The following TAP1 variants were observed in gnomAD, a reference collection of about 807,000 sequenced individuals.
TAP1 encodes antigen peptide transporter 1.
TAP1 carries 56 observed loss-of-function variants against 79.3 expected under a neutral mutation model. The observed-to-expected ratio is 0.71, with a 90% CI of 0.57 to 0.88. TAP1 has a LOEUF of 0.88. Ranked by LOEUF, TAP1 falls within the 40% of genes least tolerant of loss-of-function variation. The probability of loss-of-function intolerance (pLI) is 0.00; values close to 1 mark genes in which losing one functional copy is unlikely to be tolerated. For missense variants in TAP1, 737 were observed against 936.3 expected (o/e 0.79, Z 2.78); for synonymous variants, 355 against 401.4 (o/e 0.88, Z 1.38).
chr6:32,848,947 G>C (rs1770612610), intron 6 of TAP1, 43 bp downstream of exon 6: 1 of 1,612,776 alleles, frequency 6.2e-7, no homozygotes. Flanking sequence ...TGCTGGGCCA[G>C]AGGAAGGAAT....
chr6:32,851,225 G>A lies in TAP1; in HGVS notation c.845-76C>T. 2 of 1,445,196 alleles carry A rather than the reference G, an allele frequency of 1.4e-6. No individual in the cohort carries two copies. Among genetic ancestry groups the A allele is most frequent in the Non-Finnish European group, 1.9e-6 (2 of 1,042,830 alleles). The allele number at this position is 1,445,196 out of a possible 1,614,324, so 89.5% of individuals were successfully genotyped here. ...ATGAGACGAACTAACAATGAGCCAGGATGCCAGGGTCAGGGGTGTCAACAT... is the reference window on the plus strand; with the variant it reads ...ATGAGACGAACTAACAATGAGCCAGAATGCCAGGGTCAGGGGTGTCAACAT... On this transcript the variant is annotated intron_variant, in intron 3 of 10. Coordinates refer to ENST00000354258, the MANE Select transcript of TAP1 (RefSeq NM_000593.6). The surrounding 1 kb of genome is among the most constrained non-coding windows in gnomAD (Gnocchi z 4.8).
In TAP1 at chr6:32,850,848, C is replaced by G; in HGVS notation, c.1050+96G>C. 2 of 1,171,934 alleles carry G rather than the reference C, an allele frequency of 1.7e-6. No individual in the cohort carries two copies. Among genetic ancestry groups the G allele is most frequent in the Non-Finnish European group, 1.3e-6 (1 of 780,178 alleles). The allele number at this position is 1,171,934 out of a possible 1,614,324, so 72.6% of individuals were successfully genotyped here. ...GAAGATGGAGAATCAGTAAGGGTGC[C>G]AGGAAAGCTGGACTGAAAGCAATGT... is the stretch of plus-strand genomic sequence containing the variant. On this transcript the variant is annotated intron_variant, in intron 4 of 10. Transcript: ENST00000354258. This position sits in a 1 kb window ranked among gnomAD's most constrained non-coding sequence, Gnocchi z 5.5.
chr6:32,845,686 A>AGAGGATGTGGTCAGCCTGCTCCAC lies in TAP1; in HGVS notation c.2116_2139dup (p.Val706_Leu713dup). 6.2e-7 allele frequency: 1 copy of AGAGGATGTGGTCAGCCTGCTCCAC among 1,612,994 alleles called. No homozygotes were observed. Among genetic ancestry groups the AGAGGATGTGGTCAGCCTGCTCCAC allele is most frequent in the South Asian group, 1.1e-5 (1 of 91,072 alleles). On this transcript the variant is annotated inframe_insertion, in exon 11 of 11. Coordinates refer to ENST00000354258, the MANE Select transcript of TAP1 (RefSeq NM_000593.6). The surrounding 1 kb of genome is among the most constrained non-coding windows in gnomAD (Gnocchi z 4.5). Reference sequence around the variant, plus strand: ...TCCCGGATAGCGCCTCCTTCCAGAAAGAGGATGTGGTCAGCCTGCTCCACC... The same window carrying AGAGGATGTGGTCAGCCTGCTCCAC: ...TCCCGGATAGCGCCTCCTTCCAGAAAGAGGATGTGGTCAGCCTGCTCCACGAGGATGTGGTCAGCCTGCTCCACC...
Position 32,852,744 on chromosome 6 carries a change from C to T in TAP1, c.599-242G>A, listed in dbSNP as rs1252586367. On this transcript the variant is annotated intron_variant, in intron 1 of 10. Transcript: ENST00000354258. This position sits in a 1 kb window ranked among gnomAD's most constrained non-coding sequence, Gnocchi z 4.8. ...GGCTGGAGATCATGAAGTAGAAAAG[C>T]CTCCTGTTAGAGATGAGGATGCCCC... 3 of 1,445,578 alleles carry T rather than the reference C, an allele frequency of 2.1e-6. No homozygotes were observed. Among genetic ancestry groups the T allele is most frequent in the East Asian group, 5.0e-5 (2 of 40,252 alleles). 89.5% of individuals were successfully genotyped at this position (1,445,578 alleles called of 1,614,324 possible).
Position 32,847,509 on chromosome 6 carries a change from G to C in TAP1, c.1903+4C>G. The C allele has an allele frequency of 1.2e-6, 2 of 1,613,398 alleles. No individual in the cohort carries two copies. Among genetic ancestry groups the C allele is most frequent in the Non-Finnish European group, 1.7e-6 (2 of 1,180,028 alleles). On this transcript the variant is annotated splice_donor_region_variant and intron_variant, in intron 9 of 10. Coordinates refer to ENST00000354258, the MANE Select transcript of TAP1 (RefSeq NM_000593.6). The surrounding 1 kb of genome is among the most constrained non-coding windows in gnomAD (Gnocchi z 4.7). ...CTGGGTGGTGAGATGAGTGGAGAGA[G>C]TACCTGTGTCATAGCCCTGAGGGAG...
intron 7 of TAP1, 133 bp downstream of exon 7, chr6:32,848,519 G>A: frequency 9.7e-7 from 1 of 1,030,930 alleles, no homozygotes; most frequent in South Asian, 1.3e-5. Flanking sequence ...TGGAACAGAT[G>A]ATGCCTACCA....
At chr6:32,846,447 C>T (rs144808083) in intron 10 of TAP1, 142 of 167,854 alleles carry the variant, frequency 8.5e-4, no homozygotes, top group African/African-American at 3.2e-3. Flanking sequence ...CATAGCGGGA[C>T]GCTGTCTGTA....
At position 32,849,165 on chromosome 6, in the gene TAP1, G is replaced by T. The variant is rs372077422; in HGVS notation, c.1249-47C>A. 4 of 1,556,354 alleles carry T rather than the reference G, an allele frequency of 2.6e-6. No individual in the cohort carries two copies. In the South Asian group the frequency reaches 4.7e-5, roughly 18 times the overall value. ...AGGGACTGAGGTAGAGAAATCTGGAGGGGACACAAAGAACCGCAGTCATTA... is the reference window on the plus strand; with the variant it reads ...AGGGACTGAGGTAGAGAAATCTGGATGGGACACAAAGAACCGCAGTCATTA... On this transcript the variant is annotated intron_variant, in intron 5 of 10. Coordinates refer to ENST00000354258, the MANE Select transcript of TAP1 (RefSeq NM_000593.6).
intron 7 of TAP1, 91 bp from the exon 8 acceptor site, chr6:32,848,183 C>G: frequency 6.7e-7 from 1 of 1,492,254 alleles, no homozygotes; most frequent in Non-Finnish European, 9.1e-7. Flanking sequence ...ATGTCTTACC[C>G]CAGAAGAAAA....
chr6:32,852,116 G>C lies in TAP1; in HGVS notation c.837C>G (p.Asn279Lys). The C allele has an allele frequency of 6.2e-7, 1 of 1,613,016 alleles. No homozygotes were observed. Among genetic ancestry groups the C allele is most frequent in the Non-Finnish European group, 8.5e-7 (1 of 1,180,018 alleles). ...AAGAGTTTCAGGAGAAACCTGTCTG[G>C]TTCTGTTGGAAAAACTCCGTCTCCT... ...LRQETEFFQQ[N>K]QTGNIMSRVT... The change falls in exon 3 of 11, where the codon AAC becomes AAG. Residue 279 changes from asparagine (N) to lysine (K), a missense_variant. Coordinates refer to ENST00000354258, the MANE Select transcript of TAP1 (RefSeq NM_000593.6). The surrounding 1 kb of genome is among the most constrained non-coding windows in gnomAD (Gnocchi z 4.8).
Position 32,852,787 on chromosome 6 carries a change from C to G in TAP1, c.598+252G>C. 1 of 1,440,904 alleles carries G rather than the reference C, an allele frequency of 6.9e-7. No homozygotes were observed. The highest frequency in any genetic ancestry group is 9.0e-7 in the Non-Finnish European group (1 of 1,105,598). 89.3% of individuals were successfully genotyped at this position (1,440,904 alleles called of 1,614,324 possible). On this transcript the variant is annotated intron_variant, in intron 1 of 10. Transcript: ENST00000354258. The surrounding 1 kb of genome is among the most constrained non-coding windows in gnomAD (Gnocchi z 4.8). The stretch of plus-strand genomic sequence containing the variant: ...GATGCCCCGCCCTTCGGCCCCAGAG[C>G]AAAGGATTTCCCCGCTTCCGGCGTG...
chr6:32,853,536 AC>A lies in TAP1; in HGVS notation c.100del (p.Val34CysfsTer29). On this transcript the variant is annotated frameshift_variant, in exon 1 of 11. Transcript: ENST00000354258. LOFTEE classifies it high-confidence loss of function. This position sits in a 1 kb window ranked among gnomAD's most constrained non-coding sequence, Gnocchi z 8.3. ...GTVLLLLADW[V>X]LLRTALPRIF... Reference sequence around the variant, plus strand: ...GCGGGGCAGCGCGGTCCGGAGCAGCACCCAGTCGGCGAGAAGTAGCAGTACT... The same window carrying A: ...GCGGGGCAGCGCGGTCCGGAGCAGCACCAGTCGGCGAGAAGTAGCAGTACT... The A allele has an allele frequency of 6.2e-7, 1 of 1,610,484 alleles. No individual in the cohort carries two copies. The highest frequency in any genetic ancestry group is 8.5e-7 in the Non-Finnish European group (1 of 1,178,124).
At position 32,853,172 on chromosome 6, in the gene TAP1, G is replaced by A. The variant is rs56016563; in HGVS notation, c.465C>T (p.His155=). The part of the protein sequence containing the change: ...AAALPAAALW[H]KLGSLWVPGG... ...CGGGCACCCAGAGGCTCCCGAGTTT[G>A]TGCCACAGGGCTGCTGCGGGCAGTG... is the stretch of plus-strand genomic sequence containing the variant. Residue 155 remains histidine (H), a synonymous_variant, in exon 1 of 11, where the codon CAC becomes CAT. Coordinates refer to ENST00000354258, the MANE Select transcript of TAP1 (RefSeq NM_000593.6). This position sits in a 1 kb window ranked among gnomAD's most constrained non-coding sequence, Gnocchi z 8.3. The A allele has an allele frequency of 5.6e-4, 910 of 1,612,642 alleles. 7 individuals are homozygous for A. In the East Asian group the frequency reaches 0.017, roughly 30 times the overall value.
chr6:32,852,237 G>T lies in TAP1; in HGVS notation c.716C>A (p.Ala239Glu), dbSNP rs1260975593. ...TLMSILTIAS[A>E]VLEFVGDGIY... ...CCCGTCACCCACGAACTCCAGCACT[G>T]CACTATAAAGAACCCGGAAAAAAAG... Residue 239 changes from alanine (A) to glutamate (E), a missense_variant and splice_region_variant, in exon 3 of 11, where the codon GCA (alanine) becomes GAA (glutamate). By Grantham distance (107) the Ala-to-Glu change is moderately radical (BLOSUM62 -1). Transcript: ENST00000354258. The surrounding 1 kb of genome is among the most constrained non-coding windows in gnomAD (Gnocchi z 4.8). 1 of 1,612,968 alleles carries T rather than the reference G, an allele frequency of 6.2e-7. No homozygotes were observed. Among genetic ancestry groups the T allele is most frequent in the East Asian group, 2.2e-5 (1 of 44,882 alleles).
intron 5 of TAP1, chr6:32,849,916 A>G (rs1316522845): frequency 3.4e-6 from 1 of 295,508 alleles, no homozygotes; most frequent in Non-Finnish European, 6.5e-6. Context: ...TTTCCAGTGC[A>G]TCACAGATGT....
At position 32,853,583 on chromosome 6, in the gene TAP1, A is replaced by C; in HGVS notation, c.54T>G (p.Ala18=). The change falls in exon 1 of 11, where the codon GCT becomes GCG. Residue 18 remains alanine, a synonymous_variant. Transcript: ENST00000354258. The surrounding 1 kb of genome is among the most constrained non-coding windows in gnomAD (Gnocchi z 8.3). ...APRGCRCLPG[A]SLAWLGTVLL... ...GTACTGTCCCCAGCCATGCGAGAGA[A>C]GCTCCGGGGAGGCAGCGGCACCCGC... 1 of 1,612,570 alleles carries C rather than the reference A, an allele frequency of 6.2e-7. No individual in the cohort carries two copies. The highest frequency in any genetic ancestry group is 8.5e-7 in the Non-Finnish European group (1 of 1,179,724).
Position 32,852,740 on chromosome 6 carries a change from A to C in TAP1, c.599-238T>G. The C allele has an allele frequency of 6.9e-7, 1 of 1,446,772 alleles. No individual in the cohort carries two copies. Among genetic ancestry groups the C allele is most frequent in the Non-Finnish European group, 9.0e-7 (1 of 1,107,652 alleles). The allele number at this position is 1,446,772 out of a possible 1,614,324, so 89.6% of individuals were successfully genotyped here. A position where few individuals can be genotyped will look rare whatever the true frequency, so the allele number is the denominator to read the frequency against. ...GGAAGGCTGGAGATCATGAAGTAGA[A>C]AAGCCTCCTGTTAGAGATGAGGATG... On this transcript the variant is annotated intron_variant, in intron 1 of 10. Coordinates refer to ENST00000354258, the MANE Select transcript of TAP1 (RefSeq NM_000593.6). This position sits in a 1 kb window ranked among gnomAD's most constrained non-coding sequence, Gnocchi z 4.8.
At position 32,853,205 on chromosome 6, in the gene TAP1, A is replaced by G. The variant is rs1230465774; in HGVS notation, c.432T>C (p.Tyr144=). The G allele has an allele frequency of 1.2e-6, 2 of 1,612,058 alleles. No individual in the cohort carries two copies. The highest frequency in any genetic ancestry group is 8.5e-7 in the Non-Finnish European group (1 of 1,179,620). ...GGGCTGCTGCGGGCAGTGCCGCTGC[A>G]TAACTGACAACGAAGGCGGTAGGGT... ...GSHPTAFVVS[Y]AAALPAAALW... Residue 144 remains tyrosine, a synonymous_variant, in exon 1 of 11, where the codon TAT becomes TAC. Transcript: ENST00000354258. The surrounding 1 kb of genome is among the most constrained non-coding windows in gnomAD (Gnocchi z 8.3).
In TAP1 at chr6:32,847,349, G is replaced by T; in HGVS notation, c.1904-145C>A. 6.7e-7 allele frequency: 1 copy of T among 1,489,968 alleles called. No homozygotes were observed. Among genetic ancestry groups the T allele is most frequent in the South Asian group, 1.2e-5 (1 of 85,910 alleles). The allele number at this position is 1,489,968 out of a possible 1,614,324, so 92.3% of individuals were successfully genotyped here. On this transcript the variant is annotated intron_variant, in intron 9 of 10. Coordinates refer to ENST00000354258, the MANE Select transcript of TAP1 (RefSeq NM_000593.6). The surrounding 1 kb of genome is among the most constrained non-coding windows in gnomAD (Gnocchi z 4.7). ...TGGATAGGGGAGATTCTGGGAAGAT[G>T]AACAGAATCCTGAGGATGTCAGGAT... is the stretch of plus-strand genomic sequence containing the variant.
Sources: gnomAD v4.1 joint callset for allele counts on GRCh38, gnomAD v4.1.1 for gene constraint, Gnocchi (gnomAD v3.1) non-coding constraint, MANE v1.5 for transcripts, NCBI Gene and HGNC (gene_info 2026-07-23, HGNC 2026-07-21) for gene names.